The following GPR158 variants were observed in gnomAD, a reference collection of about 807,000 sequenced individuals.
GPR158 encodes G protein-coupled receptor 158.
A neutral mutation model predicts 78.2 loss-of-function variants in GPR158; 30 were observed. The ratio of observed to expected loss-of-function variants is 0.38; its 90% CI spans 0.29 to 0.52. The LOEUF (loss-of-function observed/expected upper bound fraction) is 0.52, where lower values mean the gene tolerates loss of function less well. Among genes scored for constraint, GPR158 ranks in the 20% least tolerant of loss-of-function variants. The pLI is 0.83. For missense variants in GPR158, 1,463 were observed against 1,523.5 expected (o/e 0.96, Z 0.66); for synonymous variants, 581 against 591.1 (o/e 0.98, Z 0.25).
intron 4 of GPR158, among the ~76,000 whole-genome samples, chr10:25,464,580 C>A (rs527798790): frequency 6.6e-6 from 1 of 152,082 alleles, no homozygotes; most frequent in Non-Finnish European, 1.5e-5. Flanking sequence ...TTAAAATACC[C>A]GTTTTATGGG....
At chr10:25,268,766 C>T (rs1854076397) in intron 2 of GPR158, among the ~76,000 whole-genome samples, 1 of 152,090 alleles carries the variant, frequency 6.6e-6, no homozygotes, top group Non-Finnish European at 1.5e-5. Flanking sequence ...ACCAAGCTGC[C>T]AACCTTCGCC....
Position 25,419,140 on chromosome 10 carries a change from A to G in GPR158, c.1335+6667A>G, listed in dbSNP as rs557533681. Among the ~76,000 whole-genome samples, 5 of 152,162 alleles carry G rather than the reference A, an allele frequency of 3.3e-5. No individual in the cohort carries two copies. The South Asian group carries it at 8.3e-4, about 25-fold the overall frequency. ...TCATCACAAACCAAACTCTCTACCC[A>G]TTATACAATAACATCCCATTTTTCT... On this transcript the variant is annotated intron_variant, in intron 4 of 10. Transcript: ENST00000376351.
At chr10:25,446,782 T>C (rs1835142740) in intron 4 of GPR158, among the ~76,000 whole-genome samples, 1 of 152,220 alleles carries the variant, frequency 6.6e-6, no homozygotes, top group Non-Finnish European at 1.5e-5. Flanking sequence ...TAGATTCTGA[T>C]ATGAATTGAT....
rs375609519 is a variant in GPR158 at position 25,269,160 on chromosome 10, G to T, written c.1008+48003G>T. Among the ~76,000 whole-genome samples, 225 of 152,244 alleles carry T rather than the reference G, an allele frequency of 1.5e-3. 1 individual carries two copies. The highest frequency in any genetic ancestry group is 0.01 in the Middle Eastern group (3 of 294). On this transcript the variant is annotated intron_variant, in intron 2 of 10. Coordinates refer to ENST00000376351, the MANE Select transcript of GPR158 (RefSeq NM_020752.3). ...ACCAAAGAATTTCTGACAATAAATCGTATTAATTAATTGACTAATTTTAGC... is the reference window on the plus strand; with the variant it reads ...ACCAAAGAATTTCTGACAATAAATCTTATTAATTAATTGACTAATTTTAGC...
intron 5 of GPR158, among the ~76,000 whole-genome samples, chr10:25,500,046 G>C (rs7076543): frequency 0.067 from 10,224 of 152,292 alleles, 993 homozygotes; most frequent in African/African-American, 0.2. Context: ...TTTTAAAAGA[G>C]ACTAAATCCA....
At chr10:25,526,471 AG>A (rs1836348777) in intron 5 of GPR158, among the ~76,000 whole-genome samples, 1 of 152,144 alleles carries the variant, frequency 6.6e-6, no homozygotes, top group Admixed American at 6.5e-5. Context: ...TATGAAAAGG[AG>A]GGGGCCACAG....
At chr10:25,567,032 G>A (rs1427140421) in intron 6 of GPR158, among the ~76,000 whole-genome samples, 1 of 152,172 alleles carries the variant, frequency 6.6e-6, no homozygotes, top group Non-Finnish European at 1.5e-5. Context: ...AACATGGTAA[G>A]ATTAATAGAA....
At chr10:25,194,621 CAGG>C (rs796814107) in intron 1 of GPR158, among the ~76,000 whole-genome samples, 2 of 152,200 alleles carry the variant, frequency 1.3e-5, no homozygotes, top group African/African-American at 4.8e-5. Context: ...TTCTGCATGA[CAGG>C]AGAAGGAAGT....
chr10:25,267,806 TA>T (rs1434888255), intron 2 of GPR158, among the ~76,000 whole-genome samples: 1 of 152,180 alleles, frequency 6.6e-6, no homozygotes. Context: ...CTCTTGGTTA[TA>T]ACTTTTCAAA....
At chr10:25,214,487 A>G (rs2130674112) in intron 1 of GPR158, among the ~76,000 whole-genome samples, 2 of 152,230 alleles carry the variant, frequency 1.3e-5, no homozygotes, top group South Asian at 4.2e-4. Context: ...ATCAAAAGTA[A>G]GGAGCTAATA....
chr10:25,557,297 G>C lies in GPR158; in HGVS notation c.1514+6212G>C, dbSNP rs1306263353. Among the ~76,000 whole-genome samples the C allele has an allele frequency of 3.9e-5, 6 of 152,178 alleles. No individual in the cohort carries two copies. In the South Asian group the frequency reaches 1.2e-3, roughly 32 times the overall value. On this transcript the variant is annotated intron_variant, in intron 6 of 10. Transcript: ENST00000376351. ...GCCCTTGAAACCTGAGGAATAAGTA[G>C]GCTGTGACCTCTCACTTCCTGCATT...
chr10:25,242,722 G>C (rs1853642665), intron 2 of GPR158, among the ~76,000 whole-genome samples: 1 of 152,100 alleles, frequency 6.6e-6, no homozygotes, highest in Admixed American at 6.5e-5. Flanking sequence ...ATTTATTTTA[G>C]CTCAGTAACT....
intron 2 of GPR158, among the ~76,000 whole-genome samples, chr10:25,224,722 G>T (rs1853349468): frequency 6.6e-6 from 1 of 152,006 alleles, no homozygotes; most frequent in African/African-American, 2.4e-5. Flanking sequence ...AGTCCAAATT[G>T]AAGTAATAAA....
chr10:25,194,310 AGGT>A (rs770729303), intron 1 of GPR158, among the ~76,000 whole-genome samples: 15 of 152,234 alleles, frequency 9.9e-5, no homozygotes, highest in Middle Eastern at 3.4e-3. Flanking sequence ...AGGCCGAGGC[AGGT>A]GGATAACCTG....
At chr10:25,276,820 T>G (rs898172191) in intron 2 of GPR158, among the ~76,000 whole-genome samples, 1 of 152,026 alleles carries the variant, frequency 6.6e-6, no homozygotes. Context: ...TCAAGAAAAG[T>G]GAAGGCAAGT....
intron 7 of GPR158, among the ~76,000 whole-genome samples, chr10:25,580,900 A>ATT (rs1452302358): frequency 7.2e-4 from 100 of 138,410 alleles, no homozygotes; most frequent in Non-Finnish European, 9.3e-4. Context: ...TAATTTTTTT[A>ATT]TTTTTTTATT....
In GPR158 at chr10:25,203,667, A is replaced by G. The variant is rs1278532652; in HGVS notation, c.903-17385A>G. Among the ~76,000 whole-genome samples the G allele has an allele frequency of 2.1e-5, 3 of 145,126 alleles. 1 individual carries two copies. The highest frequency in any genetic ancestry group is 2.3e-4 in the South Asian group (1 of 4,346). On this transcript the variant is annotated intron_variant, in intron 1 of 10. Transcript: ENST00000376351. ...TTTTTGGTTACTGTAGCCTTGTAGT[A>G]TAGTTTGAAGTCAGGTAGTGTGATG...
intron 5 of GPR158, among the ~76,000 whole-genome samples, chr10:25,508,738 T>G (rs957156157): frequency 1.1e-4 from 16 of 152,080 alleles, no homozygotes; most frequent in African/African-American, 3.6e-4. Context: ...TTTGATAATG[T>G]TTTTTAAGTA....
intron 2 of GPR158, among the ~76,000 whole-genome samples, chr10:25,298,770 AT>A (rs1418415580): frequency 6.6e-6 from 1 of 152,134 alleles, no homozygotes; most frequent in African/African-American, 2.4e-5. Flanking sequence ...AGTCTTCTAC[AT>A]TTCCCTGCCT....
Sources: gnomAD v4.1 joint callset for allele counts (sites outside exome capture counted in the v4.1 genomes callset) on GRCh38, gnomAD v4.1.1 for gene constraint, MANE v1.5 for transcripts, NCBI Gene and HGNC (gene_info 2026-07-23, HGNC 2026-07-21) for gene names.